The following SLC25A26 variants were observed in gnomAD, a reference collection of about 807,000 sequenced individuals.
The protein encoded by SLC25A26 is solute carrier family 25 member 26.
SLC25A26 carries 36 observed loss-of-function variants against 37.8 expected under a neutral mutation model. The observed-to-expected ratio is 0.95, with a 90% CI of 0.73 to 1.26. SLC25A26 has a LOEUF of 1.26. SLC25A26 is among the 50% of genes most tolerant of loss of function. The pLI, the probability that SLC25A26 is intolerant of heterozygous loss-of-function variation, is 0.00. For synonymous variants in SLC25A26, 129 were observed against 122.5 expected (o/e 1.05, Z -0.35); for missense variants, 390 against 331.1 (o/e 1.18, Z -1.38).
At chr3:66,222,603 C>T (rs1227352722) in intron 1 of SLC25A26, among the ~76,000 whole-genome samples, 1 of 150,062 alleles carries the variant, frequency 6.7e-6, no homozygotes, top group African/African-American at 2.4e-5. Flanking sequence ...CCATTTAATT[C>T]TCACAATAAT....
upstream of SLC25A26, chr3:66,220,885 C>A: frequency 1.6e-6 from 1 of 612,754 alleles, no homozygotes; most frequent in Non-Finnish European, 2.9e-6. Context: ...GACTTAGCTC[C>A]ACCACACTCC....
intron 1 of SLC25A26, among the ~76,000 whole-genome samples, chr3:66,224,825 C>T (rs1576657402): frequency 6.6e-6 from 1 of 152,198 alleles, no homozygotes; most frequent in South Asian, 2.1e-4. Context: ...TAAATACACC[C>T]ATTGCAAATG....
At chr3:66,313,177 C>T (rs12714796) in intron 5 of SLC25A26, among the ~76,000 whole-genome samples, 24,917 of 151,994 alleles carry the variant, frequency 0.16, 2,204 homozygotes, top group Non-Finnish European at 0.2. Flanking sequence ...TTGCTTTTGG[C>T]GATTTTGTGA....
At chr3:66,156,100 C>T (rs2070278905) in intron 1 of SLC25A26, among the ~76,000 whole-genome samples, 2 of 152,130 alleles carry the variant, frequency 1.3e-5, no homozygotes. Flanking sequence ...GAAGCAGGGG[C>T]TCAGAGGGAA....
chr3:66,174,374 TACTC>T (rs2070543854), intron 1 of SLC25A26, among the ~76,000 whole-genome samples: 1 of 152,224 alleles, frequency 6.6e-6, no homozygotes. Context: ...GAAGCTCACT[TACTC>T]ATTTGACAAG....
At chr3:66,246,233 C>G (rs78883818) in intron 3 of SLC25A26, among the ~76,000 whole-genome samples, 92 of 152,260 alleles carry the variant, frequency 6.0e-4, no homozygotes, top group African/African-American at 2.1e-3. Context: ...TGTATACTTA[C>G]ATTTGTTGGT....
chr3:66,268,316 T>G (rs2073834257), intron 5 of SLC25A26, among the ~76,000 whole-genome samples: 1 of 152,186 alleles, frequency 6.6e-6, no homozygotes, highest in South Asian at 2.1e-4. Flanking sequence ...GTAATTTTGG[T>G]AGATAATGCC....
At chr3:66,215,114 C>G (rs2071341236) in intron 1 of SLC25A26, among the ~76,000 whole-genome samples, 1 of 152,142 alleles carries the variant, frequency 6.6e-6, no homozygotes, top group African/African-American at 2.4e-5. Context: ...GAGAGATACT[C>G]TGTCTCAAAA....
At chr3:66,150,928 G>C (rs1264357071) in intron 1 of SLC25A26, among the ~76,000 whole-genome samples, 2 of 151,718 alleles carry the variant, frequency 1.3e-5, no homozygotes, top group African/African-American at 4.8e-5. Flanking sequence ...TCCCTTTTGG[G>C]TGTCTGTGCC....
intron 5 of SLC25A26, among the ~76,000 whole-genome samples, chr3:66,268,638 G>A (rs13088067): frequency 0.26 from 40,012 of 152,030 alleles, 5,581 homozygotes; most frequent in Admixed American, 0.31. Context: ...TAGGATGATT[G>A]GTACTCTGGT....
intron 6 of SLC25A26, among the ~76,000 whole-genome samples, chr3:66,361,921 T>A (rs879348421): frequency 2.6e-4 from 39 of 151,936 alleles, no homozygotes; most frequent in Admixed American, 9.8e-4. Context: ...GAGCCAAGAT[T>A]GCACCACTGT....
chr3:66,148,670 A>G (rs1325802965), intron 1 of SLC25A26, among the ~76,000 whole-genome samples: 2 of 152,100 alleles, frequency 1.3e-5, no homozygotes, highest in Admixed American at 6.5e-5. Context: ...ATACCTTTCT[A>G]CCATATTGAA....
intron 1 of SLC25A26, among the ~76,000 whole-genome samples, chr3:66,236,290 AT>A (rs1157583170): frequency 1.4e-5 from 2 of 143,338 alleles, no homozygotes; most frequent in African/African-American, 2.6e-5. Context: ...TTGTTTAAAA[AT>A]TTTTTTATTA....
rs540696155 is a variant in SLC25A26, at chr3:66,333,318, T to C, written c.454-13046T>C. On this transcript the variant is annotated intron_variant, in intron 5 of 9. Coordinates refer to ENST00000354883, the MANE Select transcript of SLC25A26 (RefSeq NM_001379210.1). ...TTAGATCTGTCCTCCAAGTCTCTTA[T>C]CTTTTCTGTCGTCATTTCTATTTTG... 3.9e-5 allele frequency among the ~76,000 whole-genome samples: 6 copies of C among 152,338 alleles called. No homozygotes were observed. In the South Asian group the frequency reaches 6.2e-4, roughly 16 times the overall value.
chr3:66,213,970 CA>C (rs1157147642), intron 1 of SLC25A26, among the ~76,000 whole-genome samples: 14 of 151,656 alleles, frequency 9.2e-5, no homozygotes, highest in East Asian at 5.8e-4. Context: ...TCATCTGTCT[CA>C]AAAAAAAGTA....
At chr3:66,208,629 A>G (rs1477926582) in intron 1 of SLC25A26, among the ~76,000 whole-genome samples, 1 of 107,502 alleles carries the variant, frequency 9.3e-6, no homozygotes, top group Non-Finnish European at 2.0e-5. Flanking sequence ...ATAGATATAT[A>G]TATAATATAT....
chr3:66,372,763 T>C lies in SLC25A26; in HGVS notation c.707+2161T>C, dbSNP rs1700414836. Among the ~76,000 whole-genome samples the C allele has an allele frequency of 2.6e-5, 4 of 152,240 alleles. No homozygotes were observed. In the South Asian group the frequency reaches 8.3e-4, roughly 31 times the overall value. ...CACAGAAAAACCTGGGTGGCTGTTG[T>C]GAACAGAGGTCCCAGGCACCCTCAG... On this transcript the variant is annotated intron_variant, in intron 9 of 9. Transcript: ENST00000354883.
At chr3:66,254,296 A>T (rs1576723536) in intron 3 of SLC25A26, among the ~76,000 whole-genome samples, 1 of 152,356 alleles carries the variant, frequency 6.6e-6, no homozygotes, top group African/African-American at 2.4e-5. Context: ...AAGAGATGTA[A>T]AATATTCTTA....
At chr3:66,251,579 G>A (rs552377136) in intron 3 of SLC25A26, among the ~76,000 whole-genome samples, 3 of 152,314 alleles carry the variant, frequency 2.0e-5, no homozygotes, top group South Asian at 2.1e-4. Flanking sequence ...GAAAGAAGAC[G>A]AAAGAGAGAG....
Sources: allele counts gnomAD v4.1 joint callset (sites outside exome capture counted in the v4.1 genomes callset), GRCh38; gene constraint gnomAD v4.1.1; transcripts MANE v1.5; gene names NCBI Gene and HGNC (gene_info 2026-07-23, HGNC 2026-07-21).